The following WWTR1 variants were observed in gnomAD, a reference collection of about 807,000 sequenced individuals.
WWTR1 encodes the protein WW domain-containing transcription regulator protein 1.
WWTR1 carries 13 observed loss-of-function variants against 40.1 expected under a neutral mutation model. The observed-to-expected ratio is 0.32, with a 90% CI of 0.21 to 0.52. The LOEUF is 0.52. Among genes scored for constraint, WWTR1 ranks in the 20% least tolerant of loss-of-function variants. The pLI is 0.97. For synonymous variants in WWTR1, 230 were observed against 210.1 expected (o/e 1.09, Z -0.82); for missense variants, 436 against 523.1 (o/e 0.83, Z 1.63).
chr3:149,632,195 G>A (rs1399397281), intron 2 of WWTR1, among the ~76,000 whole-genome samples: 1 of 152,120 alleles, frequency 6.6e-6, no homozygotes, highest in Non-Finnish European at 1.5e-5. Context: ...TTACGGGCGT[G>A]AGAGTACTTT....
intron 2 of WWTR1, among the ~76,000 whole-genome samples, chr3:149,574,648 G>C (rs934041375): frequency 6.6e-6 from 1 of 152,180 alleles, no homozygotes; most frequent in South Asian, 2.1e-4. Context: ...TTTTCAGTCT[G>C]TCTCCTCATT....
chr3:149,694,795 C>G (rs1017786049), intron 1 of WWTR1, among the ~76,000 whole-genome samples: 7 of 152,320 alleles, frequency 4.6e-5, no homozygotes, highest in African/African-American at 1.7e-4. Context: ...TATGATCCAG[C>G]AATCCCACTG....
chr3:149,555,860 T>C (rs964786694), intron 3 of WWTR1, among the ~76,000 whole-genome samples: 1 of 152,198 alleles, frequency 6.6e-6, no homozygotes, highest in African/African-American at 2.4e-5. Flanking sequence ...ATAACAAATG[T>C]ACAGAATAAT....
intron 2 of WWTR1, among the ~76,000 whole-genome samples, chr3:149,609,087 T>A (rs1360462375): frequency 6.6e-6 from 1 of 151,560 alleles, no homozygotes; most frequent in Non-Finnish European, 1.5e-5. Flanking sequence ...CCTAATTAAT[T>A]AATTAAAATA....
intron 2 of WWTR1, among the ~76,000 whole-genome samples, chr3:149,650,736 G>A (rs191187049): frequency 1.4e-4 from 22 of 152,332 alleles, no homozygotes; most frequent in East Asian, 1.3e-3. Flanking sequence ...ACACTTCTCA[G>A]ATGGAGTTGG....
intron 2 of WWTR1, among the ~76,000 whole-genome samples, chr3:149,664,242 G>A (rs1713710896): frequency 6.6e-6 from 1 of 152,234 alleles, no homozygotes; most frequent in Non-Finnish European, 1.5e-5. Context: ...ATTAGCAACT[G>A]AAGAGGAGCA....
intron 2 of WWTR1, among the ~76,000 whole-genome samples, chr3:149,642,415 T>TCACA (rs146950880): frequency 0.013 from 1,832 of 146,182 alleles, 34 homozygotes; most frequent in African/African-American, 0.043. Flanking sequence ...CAAAACTCTG[T>TCACA]CACACACACA....
chr3:149,527,098 T>G (rs765730586), intron 5 of WWTR1, among the ~76,000 whole-genome samples: 4 of 152,122 alleles, frequency 2.6e-5, no homozygotes, highest in Non-Finnish European at 4.4e-5. Context: ...GAATATTATT[T>G]ACTAAACTAT....
intron 1 of WWTR1, chr3:149,671,056 C>A (rs979223638): frequency 1.3e-5 from 2 of 152,124 alleles, no homozygotes; most frequent in African/African-American, 4.8e-5. Flanking sequence ...TTGTATAATA[C>A]CTTTCATCCA....
intron 2 of WWTR1, among the ~76,000 whole-genome samples, chr3:149,584,529 G>C (rs941270662): frequency 6.6e-6 from 1 of 152,142 alleles, no homozygotes; most frequent in Non-Finnish European, 1.5e-5. Flanking sequence ...CATTTTGCAA[G>C]AAATTATTTG....
intron 2 of WWTR1, among the ~76,000 whole-genome samples, chr3:149,619,013 C>T (rs1021596114): frequency 2.6e-5 from 4 of 152,220 alleles, no homozygotes; most frequent in South Asian, 2.1e-4. Context: ...CCAAGATAAA[C>T]GTGCCATTCT....
intron 3 of WWTR1, among the ~76,000 whole-genome samples, chr3:149,571,309 C>T (rs1304871665): frequency 2.3e-5 from 3 of 130,898 alleles, no homozygotes; most frequent in Admixed American, 1.8e-4. Flanking sequence ...CTTTAATAAT[C>T]AGTTTTTAGA....
At chr3:149,651,992 ATTT>A (rs368845286) in intron 2 of WWTR1, among the ~76,000 whole-genome samples, 5 of 93,712 alleles carry the variant, frequency 5.3e-5, no homozygotes, top group Non-Finnish European at 1.0e-4. Flanking sequence ...CGCCCGGCTA[ATTT>A]TTTTTTTTTT....
Position 149,631,749 on chromosome 3 carries a change from C to G in WWTR1, c.431+25127G>C, listed in dbSNP as rs189350974. 5.6e-4 allele frequency among the ~76,000 whole-genome samples: 85 copies of G among 152,180 alleles called. 1 individual carries two copies. Among genetic ancestry groups the G allele is most frequent in the Admixed American group, 5.5e-3 (84 of 15,288 alleles). ...AGTGACTGGAGCACAAATCCAGATC[C>G]AAGATCAAGAGAGGCCATTAACACA... On this transcript the variant is annotated intron_variant, in intron 2 of 6. Transcript: ENST00000360632.
chr3:149,530,335 G>A lies in WWTR1; in HGVS notation c.772-2366C>T, dbSNP rs558545617. ...CATACTCCAGCCTGGGCGACAAAGC[G>A]AGACTCTGTCTCAAAAAAAGAAAAA... On this transcript the variant is annotated intron_variant, in intron 4 of 6. Coordinates refer to ENST00000360632, the MANE Select transcript of WWTR1 (RefSeq NM_015472.6). 5.5e-4 allele frequency among the ~76,000 whole-genome samples: 77 copies of A among 141,246 alleles called. 1 individual carries two copies. Among genetic ancestry groups the A allele is most frequent in the African/African-American group, 1.9e-3 (72 of 37,350 alleles). The allele number at this position is 141,246 out of a possible 152,430, so 92.7% of individuals were successfully genotyped here. A position where few individuals can be genotyped will look rare whatever the true frequency, so the allele number is the denominator to read the frequency against.
intron 4 of WWTR1, chr3:149,540,269 G>T (rs1192697481): frequency 1.5e-5 from 7 of 456,566 alleles, no homozygotes; most frequent in Non-Finnish European, 3.1e-5. Flanking sequence ...CAGCATTTAA[G>T]GAACTTGGTT....
chr3:149,575,695 TC>T (rs963036137), intron 2 of WWTR1, among the ~76,000 whole-genome samples: 31 of 152,166 alleles, frequency 2.0e-4, no homozygotes, highest in African/African-American at 7.0e-4. Flanking sequence ...TCCCCCACTC[TC>T]CCCTCCCGTT....
At chr3:149,542,202 GCTTGGAGTA>G in intron 4 of WWTR1, 124 bp downstream of exon 4, 2 of 1,043,568 alleles carry the variant, frequency 1.9e-6, no homozygotes, top group South Asian at 1.8e-5. Context: ...TAATCAAGAG[GCTTGGAGTA>G]GGGCTTTGAG....
intron 1 of WWTR1, among the ~76,000 whole-genome samples, chr3:149,675,554 G>A (rs80164318): frequency 0.039 from 5,866 of 152,138 alleles, 228 homozygotes; most frequent in East Asian, 0.13. Context: ...TAATGGTACC[G>A]AAGAAATTTG....
Sources: allele counts gnomAD v4.1 joint callset (sites outside exome capture counted in the v4.1 genomes callset), GRCh38; gene constraint gnomAD v4.1.1; transcripts MANE v1.5; gene names NCBI Gene and HGNC (gene_info 2026-07-23, HGNC 2026-07-21).